Variants in COLEC12 observed in about 807,000 individuals in gnomAD.
COLEC12 encodes collectin subfamily member 12, also known as collectin-12.
In COLEC12, 33 loss-of-function variants were observed where a neutral mutation model predicts 71.1. The ratio of observed to expected loss-of-function variants is 0.46; its 90% CI spans 0.35 to 0.62. The LOEUF (loss-of-function observed/expected upper bound fraction) is 0.62, where lower values mean the gene tolerates loss of function less well. Ranked by LOEUF, COLEC12 falls within the 20% of genes least tolerant of loss-of-function variation. The probability of loss-of-function intolerance (pLI) is 0.00; values close to 1 mark genes in which losing one functional copy is unlikely to be tolerated. For synonymous variants in COLEC12, 350 were observed against 353.0 expected (o/e 0.99, Z 0.10); for missense variants, 765 against 916.1 (o/e 0.84, Z 2.13).
chr18:372,684 C>T (rs142402412), intron 2 of COLEC12, among the ~76,000 whole-genome samples: 2 of 152,306 alleles, frequency 1.3e-5, no homozygotes, highest in Non-Finnish European at 2.9e-5. Context: ...TCCCAAAGTG[C>T]TGGGATTACA....
rs568469023 is a variant in COLEC12, at chr18:360,845, T to A, written c.59-3323A>T. 2.3e-4 allele frequency among the ~76,000 whole-genome samples: 35 copies of A among 152,314 alleles called. No individual in the cohort carries two copies. In the South Asian group the frequency reaches 6.0e-3, roughly 26 times the overall value. ...CTAGAGTAAATAAACTTGTTTATTA[T>A]AATTTTTCCATTTTTCCCCTCCCCT... is the stretch of plus-strand genomic sequence containing the variant. On this transcript the variant is annotated intron_variant, in intron 2 of 9. Coordinates refer to ENST00000400256, the MANE Select transcript of COLEC12 (RefSeq NM_130386.3).
At chr18:332,593 C>T (rs1914009410) in intron 7 of COLEC12, among the ~76,000 whole-genome samples, 1 of 152,138 alleles carries the variant, frequency 6.6e-6, no homozygotes, top group Non-Finnish European at 1.5e-5. Context: ...CATTAGCATG[C>T]GTGGGCTCTG....
intron 2 of COLEC12, among the ~76,000 whole-genome samples, chr18:400,435 TGTGTTTC>T (rs1915659640): frequency 6.6e-6 from 1 of 152,206 alleles, no homozygotes; most frequent in Admixed American, 6.5e-5. Flanking sequence ...ATGACTTGAC[TGTGTTTC>T]AGTAAAGCAA....
chr18:456,430 C>T (rs1026156164), intron 2 of COLEC12, among the ~76,000 whole-genome samples: 18 of 152,228 alleles, frequency 1.2e-4, no homozygotes, highest in African/African-American at 2.6e-4. Context: ...ACAGATGAGA[C>T]GCTTTACACA....
At chr18:321,902 A>G (rs1913715291) in intron 8 of COLEC12, 95 bp from the exon 9 acceptor site, 1 of 1,189,582 alleles carries the variant, frequency 8.4e-7, no homozygotes, top group African/African-American at 1.5e-5. Context: ...ACAAAATTGA[A>G]GCATGTCATT....
At chr18:440,376 C>CACACAT (rs1555620152) in intron 2 of COLEC12, among the ~76,000 whole-genome samples, 1 of 89,984 alleles carries the variant, frequency 1.1e-5, no homozygotes, top group Non-Finnish European at 2.3e-5. Flanking sequence ...CACACACACA[C>CACACAT]ATACACACAC....
chr18:323,141 C>T (rs1229886040), intron 8 of COLEC12, among the ~76,000 whole-genome samples: 3 of 152,122 alleles, frequency 2.0e-5, no homozygotes, highest in Non-Finnish European at 4.4e-5. Context: ...AGGAGAATTG[C>T]TTGAATCCAG....
chr18:369,502 G>A (rs1914954335), intron 2 of COLEC12, among the ~76,000 whole-genome samples: 1 of 146,196 alleles, frequency 6.8e-6, no homozygotes, highest in Non-Finnish European at 1.5e-5. Context: ...ACATTGTGCA[G>A]GTTAGTTACA....
chr18:497,794 A>G (rs2143800730), intron 1 of COLEC12, among the ~76,000 whole-genome samples: 1 of 152,320 alleles, frequency 6.6e-6, no homozygotes, highest in East Asian at 1.9e-4. Flanking sequence ...GGGAGTTAAC[A>G]ACTATTTGAT....
At chr18:474,636 G>A (rs1162098827) in intron 2 of COLEC12, among the ~76,000 whole-genome samples, 2 of 152,150 alleles carry the variant, frequency 1.3e-5, no homozygotes, top group African/African-American at 2.4e-5. Flanking sequence ...CTTTCTCGGC[G>A]TTTAGGAGCT....
chr18:428,905 C>T (rs919501160), intron 2 of COLEC12, among the ~76,000 whole-genome samples: 1 of 152,078 alleles, frequency 6.6e-6, no homozygotes, highest in African/African-American at 2.4e-5. Context: ...ACACAAACAC[C>T]GTAAAGGGGC....
rs1913566004 is a variant in COLEC12 at position 317,116 on chromosome 18, CTGCAGA to C, written c.*2923_*2928del. 6.6e-6 allele frequency: 1 copy of C among 152,242 alleles called. No individual in the cohort carries two copies. The highest frequency in any genetic ancestry group is 1.5e-5 in the Non-Finnish European group (1 of 68,066). The allele number at this position is 152,242 out of a possible 1,614,324, so 9.4% of individuals were successfully genotyped here. A position where few individuals can be genotyped will look rare whatever the true frequency, so the allele number is the denominator to read the frequency against. On this transcript the variant is annotated 3_prime_UTR_variant, in exon 10 of 10. Transcript: ENST00000400256. ...GCACGCACCTGTAGTCCCTAAGCTA[CTGCAGA>C]GGCTGAGGCGGGAGAGTCGCTTGAA...
chr18:459,780 G>A (rs989573894), intron 2 of COLEC12, among the ~76,000 whole-genome samples: 1 of 152,242 alleles, frequency 6.6e-6, no homozygotes, highest in African/African-American at 2.4e-5. Context: ...AGAAATGGAT[G>A]CTTAGTACCA....
In COLEC12 at chr18:480,084, T is replaced by C. The variant is rs931427923; in HGVS notation, c.58+623A>G. 6.6e-6 allele frequency among the ~76,000 whole-genome samples: 1 copy of C among 152,218 alleles called. No individual in the cohort carries two copies. Among genetic ancestry groups the C allele is most frequent in the Non-Finnish European group, 1.5e-5 (1 of 68,034 alleles). On this transcript the variant is annotated intron_variant, in intron 2 of 9. Coordinates refer to ENST00000400256, the MANE Select transcript of COLEC12 (RefSeq NM_130386.3). This position sits in a 1 kb window ranked among gnomAD's most constrained non-coding sequence, Gnocchi z 4.1. ...GTCACATCTCCCTCTGCCTCTCTCT[T>C]ACAAGGACGCTTGTGATGGCTTTCA...
At chr18:401,147 A>T (rs1915677354) in intron 2 of COLEC12, among the ~76,000 whole-genome samples, 1 of 152,188 alleles carries the variant, frequency 6.6e-6, no homozygotes. Flanking sequence ...TTCCATGTGA[A>T]TGTGTTCTGA....
chr18:430,311 G>A lies in COLEC12; in HGVS notation c.58+50396C>T, dbSNP rs190739252. On this transcript the variant is annotated intron_variant, in intron 2 of 9. Coordinates refer to ENST00000400256, the MANE Select transcript of COLEC12 (RefSeq NM_130386.3). ...ATCATGCCACTGTACTCCAGCCTGG[G>A]TGTCAGAGAGAGATTCTGTTTCAAA... 3.7e-3 allele frequency among the ~76,000 whole-genome samples: 561 copies of A among 151,142 alleles called. 2 individuals carry two copies. The highest frequency in any genetic ancestry group is 0.013 in the African/African-American group (518 of 41,120).
intron 2 of COLEC12, among the ~76,000 whole-genome samples, chr18:416,403 A>G (rs751767941): frequency 1.3e-5 from 2 of 152,230 alleles, no homozygotes; most frequent in Non-Finnish European, 2.9e-5. Context: ...GAATCAGGTC[A>G]GAGGCTGACG....
chr18:491,130 A>G (rs1459998761), intron 1 of COLEC12, among the ~76,000 whole-genome samples: 1 of 152,208 alleles, frequency 6.6e-6, no homozygotes, highest in Non-Finnish European at 1.5e-5. Context: ...CACCCACTGT[A>G]GCAGGTCCTT....
chr18:474,670 G>A (rs1043703968), intron 2 of COLEC12, among the ~76,000 whole-genome samples: 2 of 152,238 alleles, frequency 1.3e-5, no homozygotes, highest in Non-Finnish European at 1.5e-5. Context: ...TGGAAGCAGA[G>A]GATACAGGGG....
Sources: gnomAD v4.1 joint callset for allele counts (sites outside exome capture counted in the v4.1 genomes callset) on GRCh38, gnomAD v4.1.1 for gene constraint, Gnocchi (gnomAD v3.1) non-coding constraint, MANE v1.5 for transcripts, NCBI Gene and HGNC (gene_info 2026-07-23, HGNC 2026-07-21) for gene names.